Variants in COL6A5 observed in about 807,000 individuals in gnomAD.
The protein encoded by COL6A5 is collagen type VI alpha 5 chain, also known as collagen alpha-5(VI) chain.
A neutral mutation model predicts 65.6 loss-of-function variants in COL6A5; 48 were observed. That is an observed-to-expected ratio of 0.73 (90% CI 0.58 to 0.93). COL6A5 has a LOEUF of 0.93. COL6A5 is among the 40% of genes least tolerant of loss of function. The pLI is 0.00. For synonymous variants in COL6A5, 291 were observed against 322.8 expected, an observed-to-expected ratio of 0.90 and a Z score of 1.05; for missense variants, 914 against 928.3, an observed-to-expected ratio of 0.98 and a Z score of 0.20.
intron 7 of COL6A5, among the ~76,000 whole-genome samples, chr3:130,479,613 T>C (rs973211505): frequency 2.0e-5 from 3 of 152,128 alleles, no homozygotes; most frequent in African/African-American, 7.2e-5. Context: ...CATGTGTGGA[T>C]TGGCTTTTAC....
At chr3:130,431,643 C>A (rs1369619269) in exon 1 of COL6A5, 2 of 1,551,522 alleles carry the variant, frequency 1.3e-6, no homozygotes, top group Non-Finnish European at 1.7e-6. Flanking sequence ...ATAACTCAGG[C>A]ACCAGCTATC....
At chr3:130,465,279 T>C (rs985245978) in intron 5 of COL6A5, among the ~76,000 whole-genome samples, 1 of 152,006 alleles carries the variant, frequency 6.6e-6, no homozygotes, top group East Asian at 1.9e-4. Context: ...GGGATAACTG[T>C]ACAGAGAGTA....
upstream of COL6A5, among the ~76,000 whole-genome samples, chr3:130,427,962 A>G (rs1365078815): frequency 6.6e-6 from 1 of 151,916 alleles, no homozygotes; most frequent in Admixed American, 6.6e-5. Context: ...AAAGGGAAGA[A>G]CCATTGTAGG....
intron 1 of COL6A5, among the ~76,000 whole-genome samples, chr3:130,353,543 T>G (rs1934798324): frequency 6.6e-6 from 1 of 151,990 alleles, no homozygotes; most frequent in Non-Finnish European, 1.5e-5. Context: ...AAACCTAAAT[T>G]AGAAGCAGCT....
intron 4 of COL6A5, among the ~76,000 whole-genome samples, chr3:130,451,216 C>A (rs1023470566): frequency 3.9e-5 from 6 of 152,066 alleles, no homozygotes; most frequent in Non-Finnish European, 8.8e-5. Flanking sequence ...TGCGTCTAAT[C>A]CACTTGTTTC....
At chr3:130,378,356 T>C (rs1935862794) in intron 3 of COL6A5, among the ~76,000 whole-genome samples, 1 of 152,144 alleles carries the variant, frequency 6.6e-6, no homozygotes, top group Admixed American at 6.6e-5. Context: ...CCTCTTTTGT[T>C]GTCAATACTC....
At chr3:130,414,777 G>A (rs977099846) in intron 22 of COL6A5, among the ~76,000 whole-genome samples, 8 of 152,150 alleles carry the variant, frequency 5.3e-5, no homozygotes, top group Non-Finnish European at 1.0e-4. Flanking sequence ...GGACTCGTAT[G>A]GAAGGGCCTG....
chr3:130,477,562 A>G (rs1244915013), intron 7 of COL6A5, among the ~76,000 whole-genome samples: 1 of 151,740 alleles, frequency 6.6e-6, no homozygotes, highest in Non-Finnish European at 1.5e-5. Context: ...TTTCTTATTT[A>G]TTTTTCCAAT....
chr3:130,407,942 T>G (rs1937047808), intron 17 of COL6A5, among the ~76,000 whole-genome samples: 1 of 152,182 alleles, frequency 6.6e-6, no homozygotes, highest in Non-Finnish European at 1.5e-5. Flanking sequence ...TCTTATAATT[T>G]CCTATGCCTG....
Position 130,431,518 on chromosome 3 carries a change from G to A in COL6A5, c.58G>A (p.Asp20Asn), listed in dbSNP as rs186272804. The change falls in exon 1 of 8, where the codon GAT (aspartate) becomes AAT (asparagine). Residue 20 changes from aspartate to asparagine, a missense_variant. By Grantham distance (23) the Asp-to-Asn change is conservative (BLOSUM62 1). Transcript: ENST00000512836. ...AGTATTTGCTCTGGACAATTCCTAC[G>A]ATGTCACAGAAGAGAGCTTTAATAA... The A allele has an allele frequency of 4.5e-6, 7 of 1,551,424 alleles. No individual in the cohort carries two copies. In the East Asian group the frequency reaches 9.8e-5, roughly 22 times the overall value.
chr3:130,371,996 A>G (rs753322400), intron 1 of COL6A5, among the ~76,000 whole-genome samples: 2 of 152,172 alleles, frequency 1.3e-5, no homozygotes, highest in Non-Finnish European at 2.9e-5. Context: ...ACAATAAAAG[A>G]CAAAAAACCC....
At chr3:130,369,705 A>T (rs377749392) in intron 1 of COL6A5, among the ~76,000 whole-genome samples, 1 of 152,162 alleles carries the variant, frequency 6.6e-6, no homozygotes. Flanking sequence ...GTCTATTATT[A>T]TTCTCTTATT....
At chr3:130,429,175 A>G (rs1937689628), upstream of COL6A5, among the ~76,000 whole-genome samples, 1 of 152,214 alleles carries the variant, frequency 6.6e-6, no homozygotes, top group Admixed American at 6.5e-5. Flanking sequence ...GGAAGAAAAT[A>G]AGACCCCGTA....
chr3:130,380,780 A>G (rs1935969675), intron 4 of COL6A5, among the ~76,000 whole-genome samples: 1 of 152,142 alleles, frequency 6.6e-6, no homozygotes, highest in Non-Finnish European at 1.5e-5. Flanking sequence ...AGTTACAACT[A>G]TATTTGGGTG....
exon 9 of COL6A5, chr3:130,397,756 T>A (rs770794004): frequency 6.4e-7 from 1 of 1,551,600 alleles, no homozygotes; most frequent in Non-Finnish European, 8.7e-7. Flanking sequence ...GAGCTTGGCG[T>A]TTAAGGTGAA....
At chr3:130,350,244 C>T (rs916736441) in intron 1 of COL6A5, among the ~76,000 whole-genome samples, 10 of 151,920 alleles carry the variant, frequency 6.6e-5, no homozygotes, top group South Asian at 2.1e-4. Context: ...TGGTTCTTTG[C>T]GGCACAAGAC....
chr3:130,388,545 TG>T (rs1336804831), intron 5 of COL6A5, 34 bp from the exon 6 acceptor site: 3 of 1,462,090 alleles, frequency 2.1e-6, no homozygotes, highest in Non-Finnish European at 2.7e-6. Context: ...CTTTCCAACC[TG>T]GTTATTTCTG....
At chr3:130,413,214 T>C (rs1403932442) in intron 20 of COL6A5, among the ~76,000 whole-genome samples, 2 of 147,424 alleles carry the variant, frequency 1.4e-5, no homozygotes, top group African/African-American at 4.9e-5. Flanking sequence ...CAGACAGTGC[T>C]TTTTGGGATT....
exon 2 of COL6A5, chr3:130,439,564 A>G (rs1198220405): frequency 6.4e-7 from 1 of 1,551,184 alleles, no homozygotes; most frequent in Non-Finnish European, 8.7e-7. Flanking sequence ...AGTTCCTCCA[A>G]ATGGGGAAAA....
Sources: gnomAD v4.1 joint callset for allele counts (sites outside exome capture counted in the v4.1 genomes callset) on GRCh38, gnomAD v4.1.1 for gene constraint, MANE v1.5 for transcripts, NCBI Gene and HGNC (gene_info 2026-07-23, HGNC 2026-07-21) for gene names.